The following KCNQ1 variants were observed in gnomAD, a reference collection of about 807,000 sequenced individuals.
KCNQ1 encodes the protein potassium voltage-gated channel subfamily KQT member 1.
KCNQ1 carries 49 observed loss-of-function variants against 72.4 expected under a neutral mutation model. The ratio of observed to expected loss-of-function variants is 0.68; its 90% CI spans 0.54 to 0.86. KCNQ1 has a LOEUF of 0.86. Ranked by LOEUF, KCNQ1 falls within the 40% of genes least tolerant of loss-of-function variation. KCNQ1 has a pLI of 0.00. For missense variants in KCNQ1, 790 were observed against 945.1 expected (o/e 0.84, Z 2.15); for synonymous variants, 450 against 412.6 (o/e 1.09, Z -1.10).
At position 2,486,630 on chromosome 11, in the gene KCNQ1, T is replaced by C. The variant is rs1564794882; in HGVS notation, c.386+41146T>C. On this transcript the variant is annotated intron_variant, in intron 1 of 15. Coordinates refer to ENST00000155840, the MANE Select transcript of KCNQ1 (RefSeq NM_000218.3). The surrounding 1 kb of genome is among the most constrained non-coding windows in gnomAD (Gnocchi z 5.0). ...GAAAAGAGGTTTAATTGGCTTATGG[T>C]TCTGCAGGCTGTACAAGAAACATGG... 6.6e-6 allele frequency among the ~76,000 whole-genome samples: 1 copy of C among 152,238 alleles called. No individual in the cohort carries two copies. Among genetic ancestry groups the C allele is most frequent in the Non-Finnish European group, 1.5e-5 (1 of 68,040 alleles).
rs1047429336 is a variant in KCNQ1 at position 2,671,479 on chromosome 11, T to A, written c.1514+9398T>A. ...ACCCAGCAGGGGATATACACAAAGA[T>A]CTGAGAAAGGGATTATTTTTAGGGC... On this transcript the variant is annotated intron_variant, in intron 11 of 15. Coordinates refer to ENST00000155840, the MANE Select transcript of KCNQ1 (RefSeq NM_000218.3). This position sits in a 1 kb window ranked among gnomAD's most constrained non-coding sequence, Gnocchi z 4.7. 5.0e-6 allele frequency: 2 copies of A among 398,434 alleles called. No individual in the cohort carries two copies. Among genetic ancestry groups the A allele is most frequent in the Admixed American group, 8.8e-5 (2 of 22,706 alleles). The allele number at this position is 398,434 out of a possible 1,614,324, so 24.7% of individuals were successfully genotyped here. A position where few individuals can be genotyped will look rare whatever the true frequency, so the allele number is the denominator to read the frequency against.
chr11:2,641,485 A>G (rs549712780), intron 10 of KCNQ1: 1 of 397,998 alleles, frequency 2.5e-6, no homozygotes, highest in East Asian at 3.6e-5. Context: ...ATTGGAATTA[A>G]TTTGTTGTTT....
chr11:2,549,282 A>G lies in KCNQ1; in HGVS notation c.477+21264A>G, dbSNP rs1037969208. On this transcript the variant is annotated intron_variant, in intron 2 of 15. Coordinates refer to ENST00000155840, the MANE Select transcript of KCNQ1 (RefSeq NM_000218.3). The surrounding 1 kb of genome is among the most constrained non-coding windows in gnomAD (Gnocchi z 6.2). ...GGTGCCAGGATGCTGGGGTGGGGCT[A>G]TGGGGAAGGAAGACATGTGGGCCAG... Among the ~76,000 whole-genome samples the G allele has an allele frequency of 2.0e-5, 3 of 152,164 alleles. No individual in the cohort carries two copies. Among genetic ancestry groups the G allele is most frequent in the African/African-American group, 7.2e-5 (3 of 41,454 alleles).
chr11:2,631,528 C>A (rs1382893484), intron 10 of KCNQ1: 3 of 398,316 alleles, frequency 7.5e-6, no homozygotes, highest in South Asian at 1.3e-4. Context: ...ACTGAACTTC[C>A]TTAAATCAGT....
At chr11:2,807,763 G>A (rs376227491) in intron 15 of KCNQ1, among the ~76,000 whole-genome samples, 10 of 137,906 alleles carry the variant, frequency 7.3e-5, no homozygotes, top group Admixed American at 6.1e-4. Context: ...CCCACCTACC[G>A]GCCTCTTCCG....
rs2133882767 is a variant in KCNQ1, at chr11:2,682,870, G to C, written c.1514+20789G>C. 2.5e-6 allele frequency: 1 copy of C among 398,636 alleles called. No homozygotes were observed. 24.7% of individuals were successfully genotyped at this position (398,636 alleles called of 1,614,324 possible). A position where few individuals can be genotyped will look rare whatever the true frequency, so the allele number is the denominator to read the frequency against. ...TCAGTTTTGTAGACCAGGAAACTGA[G>C]GCTTGGGGATAGCAGATGTTCCCAG... On this transcript the variant is annotated intron_variant, in intron 11 of 15. Coordinates refer to ENST00000155840, the MANE Select transcript of KCNQ1 (RefSeq NM_000218.3). This position sits in a 1 kb window ranked among gnomAD's most constrained non-coding sequence, Gnocchi z 5.8.
rs753628727 is a variant in KCNQ1 at position 2,683,021 on chromosome 11, TGA to T, written c.1514+20946_1514+20947del. ...GCTGTGCAGCCTTAGTTCTGCCTCC[TGA>T]GAGAGGTGACCTTCTCCCACTTCTT... is the stretch of plus-strand genomic sequence containing the variant. On this transcript the variant is annotated intron_variant, in intron 11 of 15. Transcript: ENST00000155840. The surrounding 1 kb of genome is among the most constrained non-coding windows in gnomAD (Gnocchi z 4.7). The T allele has an allele frequency of 1.0e-4, 41 of 398,700 alleles. No homozygotes were observed. The highest frequency in any genetic ancestry group is 1.7e-4 in the Non-Finnish European group (38 of 226,098). 24.7% of individuals were successfully genotyped at this position (398,700 alleles called of 1,614,324 possible).
chr11:2,506,626 G>A (rs1589918105), intron 1 of KCNQ1, among the ~76,000 whole-genome samples: 1 of 152,238 alleles, frequency 6.6e-6, no homozygotes, highest in African/African-American at 2.4e-5. Context: ...TCCTAGAAAT[G>A]GGAGTGTTGG....
intron 15 of KCNQ1, among the ~76,000 whole-genome samples, chr11:2,796,410 A>G (rs1362495623): frequency 6.6e-6 from 1 of 152,116 alleles, no homozygotes; most frequent in African/African-American, 2.4e-5. Context: ...GGCAGGAAGC[A>G]CCCATCGCTT....
At chr11:2,751,939 G>A (rs575567769) in intron 11 of KCNQ1, among the ~76,000 whole-genome samples, 4 of 152,302 alleles carry the variant, frequency 2.6e-5, no homozygotes, top group South Asian at 2.1e-4. Flanking sequence ...GCCCACACAC[G>A]GCAAGACGTT....
chr11:2,777,776 C>T (rs1392656719), intron 14 of KCNQ1, 200 bp from the exon 15 acceptor site: 6 of 636,324 alleles, frequency 9.4e-6, no homozygotes, highest in Non-Finnish European at 1.7e-5. Flanking sequence ...AGCCCAGGTC[C>T]CCAGCTGCAG....
At chr11:2,739,531 T>C (rs948099672) in intron 11 of KCNQ1, among the ~76,000 whole-genome samples, 4 of 152,244 alleles carry the variant, frequency 2.6e-5, no homozygotes, top group Admixed American at 6.5e-5. Context: ...ATTACTCTAA[T>C]GAAATACCAC....
Position 2,651,184 on chromosome 11 carries a change from GT to G in KCNQ1, c.1394-10775del. ...GATCTTGCTGCTTCCCTACTCAAAT[GT>G]TCCGACAGCTTCCTGTCACCCTGTC... On this transcript the variant is annotated intron_variant, in intron 10 of 15. Coordinates refer to ENST00000155840, the MANE Select transcript of KCNQ1 (RefSeq NM_000218.3). This position sits in a 1 kb window ranked among gnomAD's most constrained non-coding sequence, Gnocchi z 6.1. 7.5e-6 allele frequency: 3 copies of G among 397,756 alleles called. No homozygotes were observed. Among genetic ancestry groups the G allele is most frequent in the African/African-American group, 6.2e-5 (3 of 48,442 alleles). 24.6% of individuals were successfully genotyped at this position (397,756 alleles called of 1,614,324 possible). A position where few individuals can be genotyped will look rare whatever the true frequency, so the allele number is the denominator to read the frequency against.
chr11:2,619,287 T>C, intron 10 of KCNQ1: 1 of 398,514 alleles, frequency 2.5e-6, no homozygotes, highest in Non-Finnish European at 4.4e-6. Flanking sequence ...TTTTCCCTCA[T>C]TGATTATAAC....
At chr11:2,531,478 C>T (rs1436119462) in intron 2 of KCNQ1, among the ~76,000 whole-genome samples, 1 of 152,154 alleles carries the variant, frequency 6.6e-6, no homozygotes, top group Non-Finnish European at 1.5e-5. Flanking sequence ...CAGTGCTGAG[C>T]TGTGCCCCCA....
intron 11 of KCNQ1, among the ~76,000 whole-genome samples, chr11:2,738,091 C>T (rs901153098): frequency 3.3e-5 from 5 of 152,076 alleles, no homozygotes; most frequent in African/African-American, 1.2e-4. Flanking sequence ...GAGCCTGGGC[C>T]TGTGGTCAGG....
intron 15 of KCNQ1, among the ~76,000 whole-genome samples, chr11:2,799,011 T>C (rs1328416477): frequency 1.3e-5 from 2 of 152,102 alleles, no homozygotes; most frequent in Non-Finnish European, 2.9e-5. Flanking sequence ...ATGCAGGTGG[T>C]CAGGCGGCAC....
intron 1 of KCNQ1, among the ~76,000 whole-genome samples, chr11:2,490,444 G>C (rs1404429225): frequency 1.3e-5 from 2 of 152,206 alleles, no homozygotes; most frequent in African/African-American, 4.8e-5. Context: ...GTGGTAGCCA[G>C]GTAGTGCTTA....
rs4929995 is a variant in KCNQ1 at position 2,562,721 on chromosome 11, G to A, written c.478-7907G>A. On this transcript the variant is annotated intron_variant, in intron 2 of 15. Transcript: ENST00000155840. The surrounding 1 kb of genome is among the most constrained non-coding windows in gnomAD (Gnocchi z 7.5). ...ACAGATCTCAGGCTTTTCAAGGGTG[G>A]GTGGATTCCTGGCTCCAGTGGAAGG... 0.13 allele frequency among the ~76,000 whole-genome samples: 19,341 copies of A among 152,118 alleles called. 1,343 individuals are homozygous for A. Among genetic ancestry groups the A allele is most frequent in the Middle Eastern group, 0.28 (81 of 294 alleles).
Sources: allele counts gnomAD v4.1 joint callset (sites outside exome capture counted in the v4.1 genomes callset), GRCh38; gene constraint gnomAD v4.1.1; non-coding constraint Gnocchi (gnomAD v3.1); transcripts MANE v1.5; gene names NCBI Gene and HGNC (gene_info 2026-07-23, HGNC 2026-07-21).